Variants in VIPR2 observed in about 807,000 individuals in gnomAD.
VIPR2 encodes vasoactive intestinal polypeptide receptor 2.
A neutral mutation model predicts 58.0 loss-of-function variants in VIPR2; 48 were observed. That is an observed-to-expected ratio of 0.83 (90% CI 0.66 to 1.05). The LOEUF is 1.05. Ranked by LOEUF, VIPR2 falls within the 50% of genes least tolerant of loss-of-function variation. The pLI, the probability that VIPR2 is intolerant of heterozygous loss-of-function variation, is 0.00. For synonymous variants in VIPR2, 243 were observed against 235.2 expected (o/e 1.03, Z -0.30); for missense variants, 534 against 558.0 (o/e 0.96, Z 0.43).
At chr7:159,051,738 A>C (rs2129493766) in intron 5 of VIPR2, among the ~76,000 whole-genome samples, 1 of 152,338 alleles carries the variant, frequency 6.6e-6, no homozygotes, top group Non-Finnish European at 1.5e-5. Context: ...AATTATCTTA[A>C]ATATCAGACA....
At position 159,095,176 on chromosome 7, in the gene VIPR2, G is replaced by A. The variant is rs1217700470; in HGVS notation, c.357+8581C>T. On this transcript the variant is annotated intron_variant, in intron 4 of 12. Coordinates refer to ENST00000262178, the MANE Select transcript of VIPR2 (RefSeq NM_003382.5). This position sits in a 1 kb window ranked among gnomAD's most constrained non-coding sequence, Gnocchi z 5.2. ...ATCCTGGCCTGGAGTCTATGAAATC[G>A]GAGCCGAGACAGCAAATCATATGAC... Among the ~76,000 whole-genome samples the A allele has an allele frequency of 1.3e-5, 2 of 152,202 alleles. No individual in the cohort carries two copies. Among genetic ancestry groups the A allele is most frequent in the African/African-American group, 4.8e-5 (2 of 41,454 alleles).
In VIPR2 at chr7:159,101,105, C is replaced by T. The variant is rs1452555516; in HGVS notation, c.357+2652G>A. On this transcript the variant is annotated intron_variant, in intron 4 of 12. Coordinates refer to ENST00000262178, the MANE Select transcript of VIPR2 (RefSeq NM_003382.5). ...AGTGAACGGGTCTCACGAGATCCGA[C>T]GAGGCGGTTCCGACTGTTCCTGTGG... Among the ~76,000 whole-genome samples, 249 of 130,342 alleles carry T rather than the reference C, an allele frequency of 1.9e-3. 1 individual carries two copies. Among genetic ancestry groups the T allele is most frequent in the African/African-American group, 6.9e-3 (218 of 31,434 alleles). The allele number at this position is 130,342 out of a possible 152,430, so 85.5% of individuals were successfully genotyped here.
intron 5 of VIPR2, among the ~76,000 whole-genome samples, chr7:159,047,467 T>C (rs893069497): frequency 6.6e-6 from 1 of 152,196 alleles, no homozygotes; most frequent in African/African-American, 2.4e-5. Context: ...ATAGTTTCCA[T>C]TTGTCAAAGA....
At chr7:159,144,636 C>A in intron 1 of VIPR2, 85 bp downstream of exon 1, 1 of 1,377,098 alleles carries the variant, frequency 7.3e-7, no homozygotes, top group African/African-American at 1.5e-5. Context: ...GGGAGGAAGG[C>A]GAAGACCGGC....
intron 2 of VIPR2, among the ~76,000 whole-genome samples, chr7:159,140,006 G>A (rs1797397738): frequency 6.6e-6 from 1 of 152,320 alleles, no homozygotes; most frequent in East Asian, 1.9e-4. Flanking sequence ...TAACTCCTAA[G>A]CTTACAAAGA....
intron 4 of VIPR2, among the ~76,000 whole-genome samples, chr7:159,066,331 C>T (rs1341876117): frequency 1.3e-5 from 2 of 151,864 alleles, no homozygotes; most frequent in Non-Finnish European, 2.9e-5. Flanking sequence ...TGCCTGCTTC[C>T]ACAACGTCTG....
chr7:159,065,508 T>G (rs1248748744), intron 4 of VIPR2, among the ~76,000 whole-genome samples: 1 of 152,216 alleles, frequency 6.6e-6, no homozygotes, highest in Non-Finnish European at 1.5e-5. Flanking sequence ...TCTGTAAGGA[T>G]TCTCTGCGTT....
chr7:159,053,780 A>T (rs1460230221), intron 5 of VIPR2, among the ~76,000 whole-genome samples: 30 of 152,200 alleles, frequency 2.0e-4, no homozygotes. Flanking sequence ...ACTCCTGAGC[A>T]CAAGCAATCA....
chr7:159,049,945 A>T (rs1854888069), intron 5 of VIPR2, among the ~76,000 whole-genome samples: 1 of 152,244 alleles, frequency 6.6e-6, no homozygotes, highest in African/African-American at 2.4e-5. Flanking sequence ...GCAGCAAGAT[A>T]ATCATCTGAA....
chr7:159,102,902 G>A (rs1858388328), intron 4 of VIPR2, among the ~76,000 whole-genome samples: 1 of 152,222 alleles, frequency 6.6e-6, no homozygotes, highest in Admixed American at 6.5e-5. Context: ...AGCACACTCT[G>A]CACACACCTC....
chr7:159,031,965 C>G lies in VIPR2; in HGVS notation c.1074G>C (p.Leu358=). ...GGAACGACCCGAGGCACAGCTCAAA[C>G]AGTATCTGGTATTTGGAGGAGATGC... The part of the protein sequence containing the change: ...PISISSKYQI[L]FELCLGSFQG... The change falls in exon 11 of 13, where the codon CTG becomes CTC. Residue 358 remains leucine (L), a synonymous_variant. Transcript: ENST00000262178. This position sits in a 1 kb window ranked among gnomAD's most constrained non-coding sequence, Gnocchi z 4.0. 1 of 1,614,186 alleles carries G rather than the reference C, an allele frequency of 6.2e-7. No individual in the cohort carries two copies. Among genetic ancestry groups the G allele is most frequent in the Non-Finnish European group, 8.5e-7 (1 of 1,180,042 alleles).
At chr7:159,125,834 T>A (rs1176418049) in intron 2 of VIPR2, among the ~76,000 whole-genome samples, 2 of 152,084 alleles carry the variant, frequency 1.3e-5, no homozygotes, top group African/African-American at 4.8e-5. Flanking sequence ...ACGGTGTCCA[T>A]CTCCAGAGCT....
intron 4 of VIPR2, among the ~76,000 whole-genome samples, chr7:159,068,867 A>G (rs1446359599): frequency 2.0e-5 from 3 of 152,238 alleles, no homozygotes; most frequent in Non-Finnish European, 4.4e-5. Flanking sequence ...AGTTCAGACT[A>G]AACAGTCAGA....
At chr7:159,059,402 A>G (rs1457883753) in intron 4 of VIPR2, 1 of 462,976 alleles carries the variant, frequency 2.2e-6, no homozygotes, top group East Asian at 7.0e-5. Flanking sequence ...TTATGTGATG[A>G]ATTTTATTTT....
chr7:159,088,343 C>A (rs1347948650), intron 4 of VIPR2, among the ~76,000 whole-genome samples: 2 of 152,042 alleles, frequency 1.3e-5, no homozygotes, highest in Non-Finnish European at 2.9e-5. Context: ...TGCTGCAGCA[C>A]ACCTGTATAT....
chr7:159,047,989 C>A (rs979199544), intron 5 of VIPR2, among the ~76,000 whole-genome samples: 1 of 152,100 alleles, frequency 6.6e-6, no homozygotes, highest in Non-Finnish European at 1.5e-5. Flanking sequence ...TTATTTGTGA[C>A]ATAGCTAGGT....
At chr7:159,110,264 A>C (rs1290594464) in intron 2 of VIPR2, among the ~76,000 whole-genome samples, 1 of 152,242 alleles carries the variant, frequency 6.6e-6, no homozygotes, top group Non-Finnish European at 1.5e-5. Context: ...ACGCCCAGGG[A>C]AAGTGTGCTT....
chr7:159,142,337 CT>C (rs71302077), intron 2 of VIPR2, 108 bp downstream of exon 2: 68,414 of 605,164 alleles, frequency 0.11, no homozygotes, highest in South Asian at 0.14. Context: ...CTTTCTTTTT[CT>C]TTTTTTTTTT....
rs2129492679 is a variant in VIPR2, at chr7:159,031,068, A to C, written c.1144-279T>G. The stretch of plus-strand genomic sequence containing the variant: ...GCGGTAAGCGCAGTCCCACAGTCTC[A>C]GATAGTTAATATTTCTCTGAAAAGA... On this transcript the variant is annotated intron_variant, in intron 12 of 12. Transcript: ENST00000262178. This position sits in a 1 kb window ranked among gnomAD's most constrained non-coding sequence, Gnocchi z 4.0. Among the ~76,000 whole-genome samples the C allele has an allele frequency of 6.6e-6, 1 of 152,230 alleles. No homozygotes were observed. Among genetic ancestry groups the C allele is most frequent in the East Asian group, 1.9e-4 (1 of 5,166 alleles).
Sources: gnomAD v4.1 joint callset for allele counts (sites outside exome capture counted in the v4.1 genomes callset) on GRCh38, gnomAD v4.1.1 for gene constraint, Gnocchi (gnomAD v3.1) non-coding constraint, MANE v1.5 for transcripts, NCBI Gene and HGNC (gene_info 2026-07-23, HGNC 2026-07-21) for gene names.